Variants in PCDHGA2 observed in about 807,000 individuals in gnomAD.
PCDHGA2 encodes the protein protocadherin gamma subfamily A, 2.
A neutral mutation model predicts 59.2 loss-of-function variants in PCDHGA2; 40 were observed. The observed-to-expected ratio is 0.68, with a 90% CI of 0.52 to 0.88. The LOEUF (loss-of-function observed/expected upper bound fraction) is 0.88, where lower values mean the gene tolerates loss of function less well. Ranked by LOEUF, PCDHGA2 falls within the 40% of genes least tolerant of loss-of-function variation. The pLI is 0.00. For synonymous variants in PCDHGA2, 560 were observed against 526.0 expected (o/e 1.06, Z -0.89); for missense variants, 1,226 against 1,204.0 (o/e 1.02, Z -0.27).
intron 3 of PCDHGA2, among the ~76,000 whole-genome samples, chr5:141,506,435 G>C (rs1470687416): frequency 7.9e-6 from 1 of 126,278 alleles, no homozygotes; most frequent in East Asian, 2.1e-4. Flanking sequence ...CAACAGTCTC[G>C]CTCTGTCTCA....
rs532087470 is a variant in PCDHGA2, at chr5:141,414,020, C to T, written c.2424+72625C>T. 9 of 1,612,620 alleles carry T rather than the reference C, an allele frequency of 5.6e-6. No homozygotes were observed. The East Asian group carries it at 1.8e-4, about 32-fold the overall frequency. The stretch of plus-strand genomic sequence containing the variant: ...GACGAAGGTGCCAATGGAGAAGTGA[C>T]ATATTCATTCCGAAAATTACCTGAC... On this transcript the variant is annotated intron_variant, in intron 1 of 3. Transcript: ENST00000394576.
At position 141,476,827 on chromosome 5, in the gene PCDHGA2, G is replaced by A; in HGVS notation, c.2425-17980G>A. On this transcript the variant is annotated intron_variant, in intron 1 of 3. Transcript: ENST00000394576. The surrounding 1 kb of genome is among the most constrained non-coding windows in gnomAD (Gnocchi z 7.6). ...CTATTCACATCAAGGTGCTGGACGC[G>A]AATGACAATGCGCCTGTCTTCAACC... The A allele has an allele frequency of 1.2e-6, 2 of 1,613,542 alleles. No individual in the cohort carries two copies. Among genetic ancestry groups the A allele is most frequent in the Non-Finnish European group, 1.7e-6 (2 of 1,180,046 alleles).
In PCDHGA2 at chr5:141,340,544, T is replaced by G. The variant is rs1195362983; in HGVS notation, c.1573T>G (p.Leu525Val). 4 of 1,614,224 alleles carry G rather than the reference T, an allele frequency of 2.5e-6. No homozygotes were observed. The highest frequency in any genetic ancestry group is 3.4e-6 in the Non-Finnish European group (4 of 1,180,044). The change falls in exon 1 of 4, where the codon TTG becomes GTG. Residue 525 changes from leucine to valine, a missense_variant. Transcript: ENST00000394576. ...YALRSFDYEQ[L>V]RDLQVWVIAR... ...ACTGCGCTCCTTTGATTATGAGCAG[T>G]TGCGAGACTTGCAAGTGTGGGTGAT...
chr5:141,366,190 G>A, intron 1 of PCDHGA2: 1 of 1,613,934 alleles, frequency 6.2e-7, no homozygotes, highest in African/African-American at 1.3e-5. Context: ...TTGCGGTTGG[G>A]CTGCACACGG....
Position 141,491,676 on chromosome 5 carries a change from T to C in PCDHGA2, c.2425-3131T>C. On this transcript the variant is annotated intron_variant, in intron 1 of 3. Coordinates refer to ENST00000394576, the MANE Select transcript of PCDHGA2 (RefSeq NM_018915.4). The surrounding 1 kb of genome is among the most constrained non-coding windows in gnomAD (Gnocchi z 6.9). ...AGCCTGACGCCATCCGGTCCCGCTC[T>C]AATACGCTGCGGGAGCGGAGCCAGG... 3.1e-6 allele frequency: 5 copies of C among 1,613,546 alleles called. No individual in the cohort carries two copies. Among genetic ancestry groups the C allele is most frequent in the Non-Finnish European group, 4.2e-6 (5 of 1,179,848 alleles).
chr5:141,372,199 C>A (rs1366394152), intron 1 of PCDHGA2: 1 of 1,613,572 alleles, frequency 6.2e-7, no homozygotes, highest in Non-Finnish European at 8.5e-7. Context: ...GGATACAACG[C>A]CTGGCTGTCC....
intron 1 of PCDHGA2, chr5:141,415,071 G>T: frequency 6.2e-7 from 1 of 1,613,422 alleles, no homozygotes; most frequent in East Asian, 2.2e-5. Flanking sequence ...AGGTGCGCAC[G>T]GCGCGAGCCC....
At position 141,423,614 on chromosome 5, in the gene PCDHGA2, A is replaced by C. The variant is rs1365658002; in HGVS notation, c.2425-71193A>C. 8 of 1,610,406 alleles carry C rather than the reference A, an allele frequency of 5.0e-6. No homozygotes were observed. The highest frequency in any genetic ancestry group is 6.8e-6 in the Non-Finnish European group (8 of 1,178,132). ...AAAAGCGAGCCACTCTTGATAGCTG[A>C]AGACTCAGCTATCATTTTAGGCAAA... On this transcript the variant is annotated intron_variant, in intron 1 of 3. Transcript: ENST00000394576.
At chr5:141,438,487 G>T (rs1030201971) in intron 1 of PCDHGA2, among the ~76,000 whole-genome samples, 9 of 150,284 alleles carry the variant, frequency 6.0e-5, no homozygotes, top group African/African-American at 2.2e-4. Flanking sequence ...GTCTCTTGGA[G>T]AAAAAAGAAT....
intron 1 of PCDHGA2, chr5:141,371,090 C>A (rs764906419): frequency 8.7e-6 from 14 of 1,613,702 alleles, no homozygotes; most frequent in Non-Finnish European, 1.2e-5. Context: ...GGGTAATTGT[C>A]GCAGATGCAA....
rs1027897777 is a variant in PCDHGA2, at chr5:141,510,812, C to T, written c.2573-135C>T. 151 of 1,531,674 alleles carry T rather than the reference C, an allele frequency of 9.9e-5. 1 individual carries two copies. The highest frequency in any genetic ancestry group is 2.5e-5 in the South Asian group (2 of 80,152). 94.9% of individuals were successfully genotyped at this position (1,531,674 alleles called of 1,614,324 possible). A position where few individuals can be genotyped will look rare whatever the true frequency, so the allele number is the denominator to read the frequency against. On this transcript the variant is annotated intron_variant, in intron 3 of 3. Coordinates refer to ENST00000394576, the MANE Select transcript of PCDHGA2 (RefSeq NM_018915.4). ...TGTGAAGAGAGACTACCTTGGTGAC[C>T]CCTATATTCCCAGTGCTCAGCGTGG...
At chr5:141,433,205 TTTC>T in intron 1 of PCDHGA2, 1 of 1,573,264 alleles carries the variant, frequency 6.4e-7, no homozygotes, top group Non-Finnish European at 8.6e-7. Context: ...TCAAATCTTC[TTTC>T]TTTTTTTTTT....
intron 1 of PCDHGA2, chr5:141,374,416 G>T (rs1770482486): frequency 6.2e-7 from 1 of 1,613,830 alleles, no homozygotes; most frequent in Non-Finnish European, 8.5e-7. Flanking sequence ...TCCTTGTCGA[G>T]GATAAACTGA....
chr5:141,389,799 C>T (rs763321545), intron 1 of PCDHGA2: 2 of 1,613,678 alleles, frequency 1.2e-6, no homozygotes, highest in Non-Finnish European at 1.7e-6. Context: ...CGTCCGCCAG[C>T]GCCTTCTGGT....
At chr5:141,495,852 TCTCA>T (rs1473070626) in intron 2 of PCDHGA2, among the ~76,000 whole-genome samples, 1 of 152,174 alleles carries the variant, frequency 6.6e-6, no homozygotes, top group Non-Finnish European at 1.5e-5. Flanking sequence ...TTTCTCTGTC[TCTCA>T]CTATTTCTGC....
rs753294833 is a variant in PCDHGA2, at chr5:141,350,229, A to G, written c.2424+8834A>G. On this transcript the variant is annotated intron_variant, in intron 1 of 3. Coordinates refer to ENST00000394576, the MANE Select transcript of PCDHGA2 (RefSeq NM_018915.4). ...GCCATTTCTTTTTGAAAAACATCCC[A>G]GAGGAAAGAAGCTCCGCGGAGAGTT... is the stretch of plus-strand genomic sequence containing the variant. 2.0e-6 allele frequency: 3 copies of G among 1,500,888 alleles called. No individual in the cohort carries two copies. In the East Asian group the frequency reaches 6.9e-5, roughly 34 times the overall value. The allele number at this position is 1,500,888 out of a possible 1,614,324, so 93.0% of individuals were successfully genotyped here.
chr5:141,389,747 G>A (rs766506538), intron 1 of PCDHGA2: 38 of 1,612,722 alleles, frequency 2.4e-5, no homozygotes, highest in Admixed American at 2.2e-4. Context: ...GGCTGCGCAC[G>A]GGCGAAGTGC....
chr5:141,431,537 C>A lies in PCDHGA2; in HGVS notation c.2425-63270C>A, dbSNP rs2097391571. On this transcript the variant is annotated intron_variant, in intron 1 of 3. Transcript: ENST00000394576. This position sits in a 1 kb window ranked among gnomAD's most constrained non-coding sequence, Gnocchi z 4.8. ...TCCGGAGAATCTGGCCTTGGGCACG[C>A]AGCTGCTTGTAGTCAACGCTACCGA... 6.2e-7 allele frequency: 1 copy of A among 1,614,102 alleles called. No individual in the cohort carries two copies. The highest frequency in any genetic ancestry group is 1.3e-5 in the African/African-American group (1 of 75,072).
At chr5:141,351,167 T>G (rs745490255) in intron 1 of PCDHGA2, 1 of 1,613,946 alleles carries the variant, frequency 6.2e-7, no homozygotes, top group Non-Finnish European at 8.5e-7. Flanking sequence ...CAATGGCACA[T>G]TGGATTTTGA....
Sources: gnomAD v4.1 joint callset for allele counts (sites outside exome capture counted in the v4.1 genomes callset) on GRCh38, gnomAD v4.1.1 for gene constraint, Gnocchi (gnomAD v3.1) non-coding constraint, MANE v1.5 for transcripts, NCBI Gene and HGNC (gene_info 2026-07-23, HGNC 2026-07-21) for gene names.